The following ISCA1 variants were observed in gnomAD, a reference collection of about 807,000 sequenced individuals.
ISCA1 encodes iron-sulfur cluster assembly 1 homolog, mitochondrial.
A neutral mutation model predicts 14.7 loss-of-function variants in ISCA1; 9 were observed. The ratio of observed to expected loss-of-function variants is 0.61; its 90% confidence interval spans 0.37 to 1.07. ISCA1 has a LOEUF of 1.07. Among genes scored for constraint, ISCA1 ranks in the 50% least tolerant of loss-of-function variants. The pLI, the probability that ISCA1 is intolerant of heterozygous loss-of-function variation, is 0.01. For synonymous variants in ISCA1, 38 were observed against 54.3 expected (o/e 0.70, Z 1.32); for missense variants, 102 against 150.1 (o/e 0.68, Z 1.67).
intron 1 of ISCA1, among the ~76,000 whole-genome samples, chr9:86,274,533 A>G (rs1825418030): frequency 6.6e-6 from 1 of 151,956 alleles, no homozygotes; most frequent in Admixed American, 6.6e-5. Flanking sequence ...TACAAATGCT[A>G]TTTTTCTGGG....
At chr9:86,271,937 C>T in intron 3 of ISCA1, 70 bp downstream of exon 3, 1 of 806,308 alleles carries the variant, frequency 1.2e-6, no homozygotes, top group Admixed American at 2.2e-5. Flanking sequence ...TTATTTTTTA[C>T]TTTGTGCTGT....
intron 1 of ISCA1, among the ~76,000 whole-genome samples, chr9:86,274,705 C>T (rs1310291172): frequency 6.6e-6 from 1 of 151,986 alleles, no homozygotes; most frequent in East Asian, 1.9e-4. Flanking sequence ...ACTCACAATC[C>T]ATTTCTAATC....
At chr9:86,270,820 A>G (rs1406395724) in intron 3 of ISCA1, among the ~76,000 whole-genome samples, 1 of 150,634 alleles carries the variant, frequency 6.6e-6, no homozygotes, top group Non-Finnish European at 1.5e-5. Context: ...GGAAATCATC[A>G]TTCTCAGTAA....
chr9:86,273,409 C>T (rs1825397874), intron 2 of ISCA1, among the ~76,000 whole-genome samples: 1 of 152,142 alleles, frequency 6.6e-6, no homozygotes, highest in Admixed American at 6.6e-5. Context: ...ACTGCAGACA[C>T]TAAATAGTTG....
At chr9:86,276,021 T>C (rs1825435922) in intron 1 of ISCA1, among the ~76,000 whole-genome samples, 1 of 152,204 alleles carries the variant, frequency 6.6e-6, no homozygotes, top group Admixed American at 6.5e-5. Context: ...ATGATTCAAA[T>C]GCATTACATT....
At chr9:86,279,934 C>T (rs899749698) in intron 1 of ISCA1, among the ~76,000 whole-genome samples, 8 of 152,204 alleles carry the variant, frequency 5.3e-5, no homozygotes, top group Non-Finnish European at 1.2e-4. Context: ...ATTGATGTGC[C>T]TTCTCTCTGG....
chr9:86,273,775 G>A (rs1473409382), intron 2 of ISCA1, among the ~76,000 whole-genome samples: 2 of 152,090 alleles, frequency 1.3e-5, no homozygotes, highest in Admixed American at 6.6e-5. Context: ...TCTCCGTATC[G>A]GTGGGTTCCA....
chr9:86,273,660 G>T (rs1206452192), intron 2 of ISCA1, among the ~76,000 whole-genome samples: 2 of 152,174 alleles, frequency 1.3e-5, no homozygotes, highest in Admixed American at 1.3e-4. Flanking sequence ...CTAGGCCAGT[G>T]GTTGCCCTCA....
rs1168722393 is a variant in ISCA1, at chr9:86,266,031, A to T, written c.*12T>A. ...CTTTCCTGGAACCTACGGCCAGAAG[A>T]GTCCTGAGATTTCAAATATTAAAGC... On this transcript the variant is annotated 3_prime_UTR_variant, in exon 4 of 4. Coordinates refer to ENST00000375991, the MANE Select transcript of ISCA1 (RefSeq NM_030940.4). 1 of 1,611,842 alleles carries T rather than the reference A, an allele frequency of 6.2e-7. No homozygotes were observed. The highest frequency in any genetic ancestry group is 1.1e-5 in the South Asian group (1 of 90,942).
At chr9:86,268,464 C>G (rs899394623) in intron 3 of ISCA1, among the ~76,000 whole-genome samples, 2 of 149,454 alleles carry the variant, frequency 1.3e-5, no homozygotes, top group Admixed American at 6.6e-5. Context: ...AAAAAAACCC[C>G]AAAGCTTACA....
chr9:86,265,671 T>G lies in ISCA1; in HGVS notation c.*372A>C. 4.3e-6 allele frequency: 1 copy of G among 233,278 alleles called. No homozygotes were observed. The highest frequency in any genetic ancestry group is 6.4e-5 in the South Asian group (1 of 15,522). 14.5% of individuals were successfully genotyped at this position (233,278 alleles called of 1,614,324 possible). A position where few individuals can be genotyped will look rare whatever the true frequency, so the allele number is the denominator to read the frequency against. On this transcript the variant is annotated 3_prime_UTR_variant, in exon 4 of 4. Coordinates refer to ENST00000375991, the MANE Select transcript of ISCA1 (RefSeq NM_030940.4). ...TACTACCAGCAGTCACGATGTCCTG[T>G]CTCAGATTTTAGGAGTCACCGATCT...
At chr9:86,279,044 A>C (rs1364894085) in intron 1 of ISCA1, among the ~76,000 whole-genome samples, 2 of 152,218 alleles carry the variant, frequency 1.3e-5, no homozygotes, top group Non-Finnish European at 2.9e-5. Flanking sequence ...AGTATTTCCT[A>C]AACTGCCTTC....
intron 3 of ISCA1, among the ~76,000 whole-genome samples, chr9:86,269,880 G>A (rs1825344347): frequency 2.0e-5 from 3 of 152,178 alleles, no homozygotes; most frequent in Admixed American, 1.3e-4. Context: ...GGGAAAACTG[G>A]CTAGCCATAT....
At chr9:86,282,205 CAA>C in intron 1 of ISCA1, 171 bp downstream of exon 1, 1 of 680,782 alleles carries the variant, frequency 1.5e-6, no homozygotes, top group Non-Finnish European at 2.4e-6. Flanking sequence ...TTTATCGTTG[CAA>C]AGAGGGGCCG....
At position 86,265,380 on chromosome 9, in the gene ISCA1, C is replaced by T. The variant is rs953048426; in HGVS notation, c.*663G>A. ...GGCTAGATGGCTTTAAGAGACTTCT[C>T]AACTAAAAGAATCAAAGTCAGCTTG... On this transcript the variant is annotated 3_prime_UTR_variant, in exon 4 of 4. Coordinates refer to ENST00000375991, the MANE Select transcript of ISCA1 (RefSeq NM_030940.4). 2.0e-5 allele frequency: 3 copies of T among 152,194 alleles called. No individual in the cohort carries two copies. The highest frequency in any genetic ancestry group is 4.4e-5 in the Non-Finnish European group (3 of 68,150). 9.4% of individuals were successfully genotyped at this position (152,194 alleles called of 1,614,324 possible).
intron 1 of ISCA1, among the ~76,000 whole-genome samples, chr9:86,280,334 C>T (rs1210978717): frequency 6.6e-6 from 1 of 152,000 alleles, no homozygotes; most frequent in Non-Finnish European, 1.5e-5. Flanking sequence ...GCCTGTGATC[C>T]CAGCACTTTG....
Position 86,265,625 on chromosome 9 carries a change from A to G in ISCA1, c.*418T>C. The G allele has an allele frequency of 4.7e-6, 1 of 212,376 alleles. No individual in the cohort carries two copies. The highest frequency in any genetic ancestry group is 7.3e-5 in the South Asian group (1 of 13,688). The allele number at this position is 212,376 out of a possible 1,614,324, so 13.2% of individuals were successfully genotyped here. On this transcript the variant is annotated 3_prime_UTR_variant, in exon 4 of 4. Transcript: ENST00000375991. The stretch of plus-strand genomic sequence containing the variant: ...AAAGGCTATGTTAAGTTTGGGTGGA[A>G]AAAACAATGCACCACCATATTACTA...
At chr9:86,270,644 G>A (rs1263558910) in intron 3 of ISCA1, among the ~76,000 whole-genome samples, 7 of 151,986 alleles carry the variant, frequency 4.6e-5, no homozygotes, top group East Asian at 1.9e-4. Context: ...ACATGCACAC[G>A]TATGTTTACT....
rs541840145 is a variant in ISCA1, at chr9:86,265,802, A to C, written c.*241T>G. The C allele has an allele frequency of 1.1e-4, 66 of 626,316 alleles. No homozygotes were observed. The Middle Eastern group carries it at 2.9e-3, about 27-fold the overall frequency. The allele number at this position is 626,316 out of a possible 1,614,324, so 38.8% of individuals were successfully genotyped here. A position where few individuals can be genotyped will look rare whatever the true frequency, so the allele number is the denominator to read the frequency against. On this transcript the variant is annotated 3_prime_UTR_variant, in exon 4 of 4. Coordinates refer to ENST00000375991, the MANE Select transcript of ISCA1 (RefSeq NM_030940.4). ...GGTGCCCAGGAAGGCAACTTTAATGAAACTGGTTCTAAAACAAAGGATACA... is the reference window on the plus strand; with the variant it reads ...GGTGCCCAGGAAGGCAACTTTAATGCAACTGGTTCTAAAACAAAGGATACA...
Sources: gnomAD v4.1 joint callset for allele counts (sites outside exome capture counted in the v4.1 genomes callset) on GRCh38, gnomAD v4.1.1 for gene constraint, MANE v1.5 for transcripts, NCBI Gene and HGNC (gene_info 2026-07-23, HGNC 2026-07-21) for gene names.